Variants in DMD observed in about 807,000 individuals in gnomAD.
DMD encodes the protein dystrophin, also known as mutant dystrophin.
Under a neutral mutation model 330.1 loss-of-function variants are expected in DMD, and 63 were observed. That is an observed-to-expected ratio of 0.19 (90% confidence interval 0.16 to 0.24). The LOEUF (loss-of-function observed/expected upper bound fraction) is 0.24, where lower values mean the gene tolerates loss of function less well. Among genes scored for constraint, DMD ranks in the 10% least tolerant of loss-of-function variants. The pLI, the probability that DMD is intolerant of heterozygous loss-of-function variation, is 1.00. For synonymous variants in DMD, 1,223 were observed against 959.8 expected (o/e 1.27, Z -5.07); for missense variants, 3,344 against 2,684.1 (o/e 1.25, Z -5.43).
intron 48 of DMD, among the ~76,000 whole-genome samples, chrX:31,866,788 C>T (rs1432494450): frequency 9.0e-6 from 1 of 111,549 alleles, no homozygotes; most frequent in East Asian, 2.8e-4. Context: ...AAGAGAATAA[C>T]TTTGTCCTAA....
At position 32,235,501 on chromosome X, in the gene DMD, C is replaced by T. The variant is rs182568877; in HGVS notation, c.6291-18438G>A. ...GGTCTGTGGCTCTGGGGTTGAGGTA[C>T]CCTGCCATAAAATACTATATTTTTT... On this transcript the variant is annotated intron_variant, in intron 43 of 78. Coordinates refer to ENST00000357033, the MANE Select transcript of DMD (RefSeq NM_004006.3). Among the ~76,000 whole-genome samples the T allele has an allele frequency of 8.8e-3, 969 of 110,721 alleles. 11 individuals carry two copies. Among genetic ancestry groups the T allele is most frequent in the African/African-American group, 0.031 (928 of 30,206 alleles).
chrX:32,504,788 A>C (rs1374202855), intron 18 of DMD, among the ~76,000 whole-genome samples: 2 of 111,297 alleles, frequency 1.8e-5, no homozygotes, highest in South Asian at 7.6e-4. Flanking sequence ...AAAAGGTCCA[A>C]AATAGTAGCT....
intron 2 of DMD, among the ~76,000 whole-genome samples, chrX:32,869,641 G>C (rs138090916): frequency 0.02 from 2,213 of 108,681 alleles, 68 homozygotes; most frequent in African/African-American, 0.071. Context: ...GCAGAAGAAT[G>C]AATTTCAGAG....
intron 7 of DMD, among the ~76,000 whole-genome samples, chrX:32,755,757 CTT>C (rs977921393): frequency 2.7e-5 from 3 of 112,013 alleles, no homozygotes; most frequent in Non-Finnish European, 5.6e-5. Context: ...CTTAATTAAA[CTT>C]TTCCTCAATT....
At chrX:33,220,750 TG>T (rs922165255) in intron 1 of DMD, among the ~76,000 whole-genome samples, 1 of 111,903 alleles carries the variant, frequency 8.9e-6, no homozygotes, top group Non-Finnish European at 1.9e-5. Flanking sequence ...TTCTGGGCTT[TG>T]TTTAAATTTA....
At chrX:31,146,523 T>C (rs1569342218) in intron 75 of DMD, 109 bp from the exon 76 acceptor site, 1 of 772,669 alleles carries the variant, frequency 1.3e-6, no homozygotes, top group Non-Finnish European at 1.9e-6. Context: ...CCCTTCCTAC[T>C]TTAGAAGCCC....
intron 47 of DMD, among the ~76,000 whole-genome samples, chrX:31,896,954 G>T (rs1238708454): frequency 9.2e-6 from 1 of 108,508 alleles, no homozygotes; most frequent in Non-Finnish European, 1.9e-5. Context: ...TAAGTTTTAG[G>T]GTACATGTGC....
At chrX:31,836,070 G>A (rs1244801926) in intron 49 of DMD, among the ~76,000 whole-genome samples, 2 of 111,589 alleles carry the variant, frequency 1.8e-5, no homozygotes, top group Admixed American at 1.9e-4. Context: ...TTTGAAAACT[G>A]ACCTGGCTTT....
At chrX:31,321,414 G>A (rs1044520316) in intron 62 of DMD, among the ~76,000 whole-genome samples, 5 of 107,652 alleles carry the variant, frequency 4.6e-5, no homozygotes, top group Middle Eastern at 4.7e-3. Context: ...GTGAAACCTC[G>A]TCTCTACTAA....
chrX:32,734,943 G>T (rs1438301843), intron 7 of DMD, among the ~76,000 whole-genome samples: 9 of 107,864 alleles, frequency 8.3e-5, no homozygotes, highest in Non-Finnish European at 3.8e-5. Flanking sequence ...GGAAATAAAG[G>T]GTATTCAATT....
At chrX:31,384,327 T>C (rs936644044) in intron 60 of DMD, among the ~76,000 whole-genome samples, 7 of 108,221 alleles carry the variant, frequency 6.5e-5, no homozygotes, top group African/African-American at 2.3e-4. Flanking sequence ...CTACTACTAC[T>C]ACTACTACTA....
intron 45 of DMD, among the ~76,000 whole-genome samples, chrX:31,956,758 A>C: frequency 8.9e-6 from 1 of 112,390 alleles, no homozygotes; most frequent in East Asian, 2.8e-4. Context: ...ATGTGTGTTT[A>C]AGTAACAGTG....
chrX:31,301,633 G>C (rs1010030465), intron 62 of DMD, among the ~76,000 whole-genome samples: 1 of 112,475 alleles, frequency 8.9e-6, no homozygotes, highest in African/African-American at 3.2e-5. Context: ...AATTTGACAT[G>C]ACATTTGGGT....
rs1343146489 is a variant in DMD, at chrX:32,260,350, T to C, written c.6290+27179A>G. Among the ~76,000 whole-genome samples, 22 of 111,779 alleles carry C rather than the reference T, an allele frequency of 2.0e-4. No individual in the cohort carries two copies. The Admixed American group carries it at 2.1e-3, about 11-fold the overall frequency. On this transcript the variant is annotated intron_variant, in intron 43 of 78. Coordinates refer to ENST00000357033, the MANE Select transcript of DMD (RefSeq NM_004006.3). ...TATATGAGCAATAAATAAGCATTCA[T>C]TAGGCCACTTTGATTTCAGGGTTAG...
At chrX:31,929,769 G>A (rs749630716) in intron 46 of DMD, 24 bp from the exon 47 acceptor site, 1 of 1,203,720 alleles carries the variant, frequency 8.3e-7, no homozygotes, top group Non-Finnish European at 1.1e-6. Context: ...ATGCAACAAC[G>A]TTTAAAATGA....
intron 1 of DMD, among the ~76,000 whole-genome samples, chrX:33,124,609 A>G (rs2095449787): frequency 9.1e-6 from 1 of 109,549 alleles, no homozygotes; most frequent in Non-Finnish European, 1.9e-5. Context: ...TTGAATTCCC[A>G]TTACATTCCA....
At chrX:32,659,081 A>C (rs1224742645) in intron 9 of DMD, among the ~76,000 whole-genome samples, 3 of 111,901 alleles carry the variant, frequency 2.7e-5, no homozygotes, top group African/African-American at 9.7e-5. Context: ...ATTTAGTGCA[A>C]CCCAGAATAG....
chrX:32,491,183 G>T, intron 20 of DMD, 94 bp downstream of exon 20: 1 of 1,066,050 alleles, frequency 9.4e-7, no homozygotes, highest in Non-Finnish European at 1.3e-6. Context: ...GAAGGTGAAC[G>T]TTTCATTACT....
chrX:32,863,537 T>TACACACACACACACACAC (rs199774174), intron 2 of DMD, among the ~76,000 whole-genome samples: 183 of 78,197 alleles, frequency 2.3e-3, no homozygotes, highest in African/African-American at 0.011. Flanking sequence ...ATTGTGTTTA[T>TACACACACACACACACAC]ACACACACAC....
Sources: allele counts gnomAD v4.1 joint callset (sites outside exome capture counted in the v4.1 genomes callset), GRCh38; gene constraint gnomAD v4.1.1; transcripts MANE v1.5; gene names NCBI Gene and HGNC (gene_info 2026-07-23, HGNC 2026-07-21).